ERICH2: variants seen among roughly 807,000 people sequenced by gnomAD.
ERICH2 encodes glutamate-rich protein 2.
Under a neutral mutation model 17.4 loss-of-function variants are expected in ERICH2, and 17 were observed. The ratio of observed to expected loss-of-function variants is 0.98; its 90% CI spans 0.67 to 1.47. The LOEUF is 1.47. Ranked by LOEUF, ERICH2 falls within the 40% of genes most tolerant of loss-of-function variation. ERICH2 has a pLI of 0.00. For missense variants in ERICH2, 186 were observed against 183.2 expected, an observed-to-expected ratio of 1.01 and a Z score of -0.09; for synonymous variants, 51 against 61.1, an observed-to-expected ratio of 0.83 and a Z score of 0.77.
rs552833713 is a variant in ERICH2 at position 170,791,929 on chromosome 2, T to C, written c.217-934T>C. Among the ~76,000 whole-genome samples the C allele has an allele frequency of 1.7e-3, 257 of 152,254 alleles. 1 individual carries two copies. Among genetic ancestry groups the C allele is most frequent in the African/African-American group, 5.9e-3 (246 of 41,560 alleles). ...CTGGAAGTATATGAGAAGGGTCTCT[T>C]TCATATTACTATATGCCTCTGTCTC... On this transcript the variant is annotated intron_variant, in intron 2 of 4. Coordinates refer to ENST00000409885, the Ensembl canonical transcript of ERICH2.
intron 4 of ERICH2, 146 bp downstream of exon 9, chr2:170,798,258 A>G (rs1348692468): frequency 1.5e-6 from 1 of 649,004 alleles, no homozygotes. Context: ...TTAGTGAAAC[A>G]GCTTGTCCTC....
chr2:170,788,589 A>G (rs901499546), intron 2 of ERICH2, among the ~76,000 whole-genome samples: 1 of 151,938 alleles, frequency 6.6e-6, no homozygotes. Flanking sequence ...CTCCTGCCTC[A>G]GTCTCCCGAG....
At chr2:170,793,224 C>T (rs905470916) in intron 3 of ERICH2, among the ~76,000 whole-genome samples, 1 of 152,202 alleles carries the variant, frequency 6.6e-6, no homozygotes, top group Non-Finnish European at 1.5e-5. Context: ...AAAGAAGTGT[C>T]AGGTGACACA....
intron 2 of ERICH2, among the ~76,000 whole-genome samples, chr2:170,785,935 T>C (rs1701149701): frequency 6.6e-6 from 1 of 152,320 alleles, no homozygotes; most frequent in South Asian, 2.1e-4. Context: ...ATGTATGTTG[T>C]ATAATAGGAC....
At chr2:170,780,650 T>A (rs1229505292), upstream of ERICH2, among the ~76,000 whole-genome samples, 2 of 152,194 alleles carry the variant, frequency 1.3e-5, no homozygotes, top group Non-Finnish European at 2.9e-5. Flanking sequence ...AAGCACACAT[T>A]TTTTTCATAT....
intron 2 of ERICH2, among the ~76,000 whole-genome samples, chr2:170,785,475 G>A (rs574557780): frequency 5.3e-5 from 8 of 152,202 alleles, no homozygotes; most frequent in African/African-American, 1.9e-4. Context: ...TATACACTGG[G>A]CACCATGCTA....
intron 1 of ERICH2, among the ~76,000 whole-genome samples, chr2:170,784,165 G>A (rs911374512): frequency 1.3e-5 from 2 of 152,098 alleles, no homozygotes; most frequent in African/African-American, 4.8e-5. Context: ...ATACAAGAAG[G>A]GGTGGATGTA....
chr2:170,791,634 G>A (rs1470252544), intron 2 of ERICH2, among the ~76,000 whole-genome samples: 9 of 151,732 alleles, frequency 5.9e-5, no homozygotes, highest in African/African-American at 1.9e-4. Flanking sequence ...AGCTTGCAGT[G>A]AGCCGAGATC....
At chr2:170,785,157 T>C (rs551046355) in intron 2 of ERICH2, among the ~76,000 whole-genome samples, 1 of 152,262 alleles carries the variant, frequency 6.6e-6, no homozygotes, top group Non-Finnish European at 1.5e-5. Context: ...AGATAAGTGT[T>C]TAAGATGATG....
At chr2:170,776,765 CTT>C in the ERICH2 span, among the ~76,000 whole-genome samples, 38 of 145,438 alleles carry the variant, frequency 2.6e-4, no homozygotes, top group Non-Finnish European at 3.2e-4. Flanking sequence ...CAGAGAATTT[CTT>C]TTTTTTTTTT....
At chr2:170,770,923 C>T in the ERICH2 span, among the ~76,000 whole-genome samples, 99 of 148,026 alleles carry the variant, frequency 6.7e-4, no homozygotes, top group African/African-American at 2.2e-3. Context: ...CACCGCCCTA[C>T]GGCCTGGGCC....
At chr2:170,775,523 A>G in the ERICH2 span, 1 of 151,858 alleles carries the variant, frequency 6.6e-6, no homozygotes, top group African/African-American at 2.4e-5. Context: ...CTGTGAAATG[A>G]AAGTGTCTCT....
At chr2:170,776,804 C>T in the ERICH2 span, among the ~76,000 whole-genome samples, 1 of 149,972 alleles carries the variant, frequency 6.7e-6, no homozygotes, top group African/African-American at 2.5e-5. Flanking sequence ...TTTGGGGGTA[C>T]GTGTGAAGGT....
At chr2:170,797,163 G>A (rs1701446318) in intron 3 of ERICH2, among the ~76,000 whole-genome samples, 1 of 152,190 alleles carries the variant, frequency 6.6e-6, no homozygotes, top group African/African-American at 2.4e-5. Flanking sequence ...AAGTTGTCAA[G>A]ATGAAGAGAA....
chr2:170,771,988 A>G, the ERICH2 span, among the ~76,000 whole-genome samples: 1 of 152,200 alleles, frequency 6.6e-6, no homozygotes, highest in Non-Finnish European at 1.5e-5. This position sits in a 1 kb window ranked among gnomAD's most constrained non-coding sequence, Gnocchi z 4.8. Flanking sequence ...TTTTCTAAAA[A>G]CCAAATACAA....
chr2:170,796,170 G>A (rs1002904074), intron 3 of ERICH2, among the ~76,000 whole-genome samples: 3 of 152,142 alleles, frequency 2.0e-5, no homozygotes, highest in Non-Finnish European at 4.4e-5. Flanking sequence ...AAGGTAAAAT[G>A]TGCAAAAAAT....
chr2:170,777,784 A>G, the ERICH2 span: 3 of 671,924 alleles, frequency 4.5e-6, no homozygotes, highest in African/African-American at 5.6e-5. Flanking sequence ...TTGAAAGGCC[A>G]GAAATGCATG....
At chr2:170,783,606 T>TTG (rs1358112546), upstream of ERICH2, among the ~76,000 whole-genome samples, 1 of 152,146 alleles carries the variant, frequency 6.6e-6, no homozygotes, top group Admixed American at 6.6e-5. Flanking sequence ...TAATTGCAGT[T>TTG]TGTGGTAGGT....
At chr2:170,797,279 G>T (rs1202516485) in intron 3 of ERICH2, among the ~76,000 whole-genome samples, 1 of 152,182 alleles carries the variant, frequency 6.6e-6, no homozygotes, top group African/African-American at 2.4e-5. Context: ...TCTGTGTTCC[G>T]ATGAGACCTT....
Sources: allele counts gnomAD v4.1 joint callset (sites outside exome capture counted in the v4.1 genomes callset), GRCh38; gene constraint gnomAD v4.1.1; non-coding constraint Gnocchi (gnomAD v3.1); transcripts MANE v1.5; gene names NCBI Gene and HGNC (gene_info 2026-07-23, HGNC 2026-07-21).